The following NHEJ1 variants were observed in gnomAD, a reference collection of about 807,000 sequenced individuals.
NHEJ1 encodes non-homologous end-joining factor 1.
NHEJ1 carries 22 observed loss-of-function variants against 39.4 expected under a neutral mutation model. The ratio of observed to expected loss-of-function variants is 0.56; its 90% CI spans 0.40 to 0.80. The LOEUF (loss-of-function observed/expected upper bound fraction) is 0.80, where lower values mean the gene tolerates loss of function less well. Among genes scored for constraint, NHEJ1 ranks in the 30% least tolerant of loss-of-function variants. The pLI, the probability that NHEJ1 is intolerant of heterozygous loss-of-function variation, is 0.00. For missense variants in NHEJ1, 329 were observed against 357.1 expected (o/e 0.92, Z 0.63); for synonymous variants, 154 against 135.6 (o/e 1.14, Z -0.94).
At chr2:219,109,594 CA>C (rs778208976) in intron 5 of NHEJ1, among the ~76,000 whole-genome samples, 4 of 152,140 alleles carry the variant, frequency 2.6e-5, no homozygotes, top group Non-Finnish European at 5.9e-5. Context: ...GTCCCAACTA[CA>C]ACCATTCACA....
chr2:219,084,007 C>CT (rs558515060), intron 5 of NHEJ1, among the ~76,000 whole-genome samples: 18,500 of 133,248 alleles, frequency 0.14, 1,403 homozygotes, highest in African/African-American at 0.19. Flanking sequence ...TCTTTCTTTG[C>CT]TTTTTTTTTT....
intron 5 of NHEJ1, among the ~76,000 whole-genome samples, chr2:219,109,634 G>A (rs186263842): frequency 1.6e-4 from 24 of 152,176 alleles, no homozygotes; most frequent in African/African-American, 4.8e-4. Context: ...TGCTGGAGGC[G>A]GGCTGGTGTC....
chr2:219,144,757 G>A (rs1336508419), intron 5 of NHEJ1, among the ~76,000 whole-genome samples: 3 of 152,136 alleles, frequency 2.0e-5, no homozygotes, highest in Non-Finnish European at 4.4e-5. Flanking sequence ...AACAAGCCTT[G>A]CATTGTTTAA....
intron 5 of NHEJ1, among the ~76,000 whole-genome samples, chr2:219,138,452 G>C (rs1349902166): frequency 6.6e-6 from 1 of 152,184 alleles, no homozygotes; most frequent in East Asian, 1.9e-4. Context: ...CTACCAATAG[G>C]TGATTATTTG....
chr2:219,157,459 G>T lies in NHEJ1; in HGVS notation c.390+13C>A, dbSNP rs187241595. The T allele has an allele frequency of 1.2e-6, 2 of 1,610,790 alleles. No homozygotes were observed. The highest frequency in any genetic ancestry group is 1.1e-5 in the South Asian group (1 of 90,936). On this transcript the variant is annotated intron_variant, in intron 3 of 7. Coordinates refer to ENST00000356853, the MANE Select transcript of NHEJ1 (RefSeq NM_024782.3). ...GCATCCCTCCCCCAACCCCACATTC[G>T]AATTACACTTACCAGGGAAGGACTA...
chr2:219,114,950 A>G (rs1026507140), intron 5 of NHEJ1, among the ~76,000 whole-genome samples: 7 of 152,198 alleles, frequency 4.6e-5, no homozygotes, highest in African/African-American at 1.7e-4. Flanking sequence ...AAACGCTGTT[A>G]AAACACACAA....
chr2:219,076,287 A>G lies in NHEJ1; in HGVS notation c.*94T>C. Reference sequence around the variant, plus strand: ...ACAGGAGGCCTCTGACTGTATCACTATTTTAGAAATATTGCTGCCATGTAA... The same window carrying G: ...ACAGGAGGCCTCTGACTGTATCACTGTTTTAGAAATATTGCTGCCATGTAA... On this transcript the variant is annotated 3_prime_UTR_variant, in exon 8 of 8. Coordinates refer to ENST00000356853, the MANE Select transcript of NHEJ1 (RefSeq NM_024782.3). 6.2e-7 allele frequency: 1 copy of G among 1,609,568 alleles called. No individual in the cohort carries two copies. The highest frequency in any genetic ancestry group is 8.5e-7 in the Non-Finnish European group (1 of 1,177,846).
At chr2:219,132,415 T>G (rs1949587502) in intron 5 of NHEJ1, among the ~76,000 whole-genome samples, 1 of 152,226 alleles carries the variant, frequency 6.6e-6, no homozygotes, top group Non-Finnish European at 1.5e-5. Context: ...CAGAATGCAG[T>G]TGCCATCAAC....
chr2:219,150,103 T>C (rs960564939), intron 3 of NHEJ1, among the ~76,000 whole-genome samples: 1 of 152,218 alleles, frequency 6.6e-6, no homozygotes, highest in Non-Finnish European at 1.5e-5. Context: ...TTTCAGACCT[T>C]TGTGTTTTCA....
intron 5 of NHEJ1, among the ~76,000 whole-genome samples, chr2:219,096,603 T>C (rs771295911): frequency 2.0e-4 from 31 of 152,150 alleles, no homozygotes; most frequent in Non-Finnish European, 3.7e-4. Flanking sequence ...AAAGGTGGGA[T>C]GCAATTTTAA....
rs779328166 is a variant in NHEJ1 at position 219,078,094 on chromosome 2, C to T, written c.701G>A (p.Gly234Asp). The T allele has an allele frequency of 2.5e-6, 4 of 1,613,278 alleles. No homozygotes were observed. The Admixed American group carries it at 5.0e-5, about 20-fold the overall frequency. Reference protein sequence around the residue: ...QEVQVGQKHQGAGDPHTSNSA... With the variant: ...QEVQVGQKHQDAGDPHTSNSA... ...GGTACCTCTGGAGGGCTCACCAGCG[C>T]CTTGATGCTTCTGTCCCACTTGGAC... is the stretch of plus-strand genomic sequence containing the variant. The change falls in exon 6 of 8, where the codon GGC becomes GAC. Residue 234 changes from glycine (G) to aspartate (D), a missense_variant. Transcript: ENST00000356853.
intron 5 of NHEJ1, among the ~76,000 whole-genome samples, chr2:219,115,406 GAGGGATAATTT>G (rs750536677): frequency 2.0e-5 from 3 of 152,186 alleles, no homozygotes; most frequent in Non-Finnish European, 2.9e-5. Context: ...ATGATGATTA[GAGGGATAATTT>G]ATGGTGAGAG....
intron 5 of NHEJ1, chr2:219,095,475 TA>T: frequency 2.8e-6 from 1 of 359,802 alleles, no homozygotes; most frequent in South Asian, 2.2e-5. Flanking sequence ...AATGGTCACT[TA>T]ATAGCTGTCT....
intron 5 of NHEJ1, among the ~76,000 whole-genome samples, chr2:219,085,568 C>T (rs1949103896): frequency 1.3e-5 from 2 of 152,210 alleles, no homozygotes; most frequent in Admixed American, 1.3e-4. Flanking sequence ...TTCTGCCCTG[C>T]TGCTGCCGAC....
chr2:219,101,481 G>C (rs1251401763), intron 5 of NHEJ1, among the ~76,000 whole-genome samples: 1 of 151,976 alleles, frequency 6.6e-6, no homozygotes, highest in African/African-American at 2.4e-5. Flanking sequence ...TGGGATCATA[G>C]CTCACTGCAG....
chr2:219,077,026 G>A (rs1392896540), intron 7 of NHEJ1, among the ~76,000 whole-genome samples: 1 of 152,170 alleles, frequency 6.6e-6, no homozygotes, highest in Non-Finnish European at 1.5e-5. Flanking sequence ...GAGGAGTCAA[G>A]GCACATCATT....
intron 1 of NHEJ1, among the ~76,000 whole-genome samples, chr2:219,159,692 G>A (rs919841232): frequency 6.6e-6 from 1 of 150,740 alleles, no homozygotes; most frequent in Non-Finnish European, 1.5e-5. Flanking sequence ...TTTCCCACAT[G>A]CTGCTCTTAT....
In NHEJ1 at chr2:219,153,602, A is replaced by G. The variant is rs1225795224; in HGVS notation, c.390+3870T>C. Among the ~76,000 whole-genome samples the G allele has an allele frequency of 4.6e-5, 7 of 150,832 alleles. No homozygotes were observed. The East Asian group carries it at 1.4e-3, about 30-fold the overall frequency. Reference sequence around the variant, plus strand: ...CGCCTATAATTCCAACTCTTTGGGAAGCCAAAGTGAGAGGATCACTTGAGC... The same window carrying G: ...CGCCTATAATTCCAACTCTTTGGGAGGCCAAAGTGAGAGGATCACTTGAGC... On this transcript the variant is annotated intron_variant, in intron 3 of 7. Transcript: ENST00000356853.
At chr2:219,120,283 A>G (rs1042170666) in intron 5 of NHEJ1, among the ~76,000 whole-genome samples, 21 of 152,200 alleles carry the variant, frequency 1.4e-4, no homozygotes, top group African/African-American at 4.8e-4. Flanking sequence ...TGAGTGAGTC[A>G]CACAAGGTCC....
Sources: allele counts gnomAD v4.1 joint callset (sites outside exome capture counted in the v4.1 genomes callset), GRCh38; gene constraint gnomAD v4.1.1; transcripts MANE v1.5; gene names NCBI Gene and HGNC (gene_info 2026-07-23, HGNC 2026-07-21).